MAN1C1: variants seen among roughly 807,000 people sequenced by gnomAD.
MAN1C1 encodes the protein mannosidase alpha class 1C member 1.
MAN1C1 carries 49 observed loss-of-function variants against 71.5 expected under a neutral mutation model. The observed-to-expected ratio is 0.69, with a 90% CI of 0.54 to 0.87. MAN1C1 has a LOEUF of 0.87. MAN1C1 is among the 40% of genes least tolerant of loss of function. The pLI, the probability that MAN1C1 is intolerant of heterozygous loss-of-function variation, is 0.00. For missense variants in MAN1C1, 743 were observed against 835.0 expected (o/e 0.89, Z 1.36); for synonymous variants, 352 against 343.7 (o/e 1.02, Z -0.27).
At chr1:25,677,733 T>C (rs2046089614) in intron 1 of MAN1C1, among the ~76,000 whole-genome samples, 1 of 152,060 alleles carries the variant, frequency 6.6e-6, no homozygotes, top group South Asian at 2.1e-4. Context: ...GAATAGATGA[T>C]GTTTCTGGTC....
intron 2 of MAN1C1, among the ~76,000 whole-genome samples, chr1:25,691,273 C>T (rs1024195307): frequency 6.6e-5 from 10 of 152,248 alleles, no homozygotes; most frequent in South Asian, 2.1e-4. Context: ...GCCAAGATCG[C>T]GCCACTGCCC....
intron 9 of MAN1C1, 95 bp from the exon 10 acceptor site, chr1:25,780,845 G>A: frequency 7.4e-7 from 1 of 1,346,630 alleles, no homozygotes; most frequent in Non-Finnish European, 1.0e-6. Flanking sequence ...ACATCACCCT[G>A]GCCGCGGGTT....
rs540824470 is a variant in MAN1C1 at position 25,776,522 on chromosome 1, C to A, written c.1258-1583C>A. On this transcript the variant is annotated intron_variant, in intron 8 of 11. Coordinates refer to ENST00000374332, the MANE Select transcript of MAN1C1 (RefSeq NM_020379.4). The surrounding 1 kb of genome is among the most constrained non-coding windows in gnomAD (Gnocchi z 4.3). ...GAGCCAAGATCATGCCACTGCACTT[C>A]AGCCTGGGTGACAGAGTAAGACTGT... Among the ~76,000 whole-genome samples, 13 of 151,688 alleles carry A rather than the reference C, an allele frequency of 8.6e-5. No homozygotes were observed. The East Asian group carries it at 2.5e-3, about 29-fold the overall frequency.
chr1:25,626,113 G>T (rs116392283), intron 1 of MAN1C1, among the ~76,000 whole-genome samples: 1 of 152,168 alleles, frequency 6.6e-6, no homozygotes, highest in African/African-American at 2.4e-5. Flanking sequence ...ACTAGGGGTG[G>T]AATTACTGGC....
intron 1 of MAN1C1, among the ~76,000 whole-genome samples, chr1:25,633,933 A>C (rs2124755413): frequency 6.6e-6 from 1 of 152,250 alleles, no homozygotes; most frequent in East Asian, 1.9e-4. Context: ...CAATATTTAG[A>C]ACTCCTTTTA....
chr1:25,623,458 G>A (rs1385709772), intron 1 of MAN1C1, among the ~76,000 whole-genome samples: 1 of 151,876 alleles, frequency 6.6e-6, no homozygotes, highest in African/African-American at 2.4e-5. Flanking sequence ...TGGTGGTGGG[G>A]GGGGGTAAGA....
rs1228750111 is a variant in MAN1C1 at position 25,617,719 on chromosome 1, C to T, written c.-79C>T. 3 of 1,406,642 alleles carry T rather than the reference C, an allele frequency of 2.1e-6. No homozygotes were observed. The highest frequency in any genetic ancestry group is 5.7e-5 in the East Asian group (2 of 34,966). 87.1% of individuals were successfully genotyped at this position (1,406,642 alleles called of 1,614,324 possible). A position where few individuals can be genotyped will look rare whatever the true frequency, so the allele number is the denominator to read the frequency against. On this transcript the variant is annotated 5_prime_UTR_variant, in exon 1 of 12. Transcript: ENST00000374332. This position sits in a 1 kb window ranked among gnomAD's most constrained non-coding sequence, Gnocchi z 5.1. Reference sequence around the variant, plus strand: ...GGGACCCCCATCCCGGGCGGCGCTCCGGACGCCCTCCCCTCACCGCGCCCC... The same window carrying T: ...GGGACCCCCATCCCGGGCGGCGCTCTGGACGCCCTCCCCTCACCGCGCCCC...
intron 1 of MAN1C1, among the ~76,000 whole-genome samples, chr1:25,660,690 G>T (rs894819313): frequency 6.6e-6 from 1 of 151,530 alleles, no homozygotes; most frequent in East Asian, 1.9e-4. Context: ...CACCATGCCC[G>T]GCCTGAAACT....
At chr1:25,727,649 A>G (rs2046850285) in intron 2 of MAN1C1, among the ~76,000 whole-genome samples, 4 of 152,204 alleles carry the variant, frequency 2.6e-5, no homozygotes, top group Admixed American at 2.6e-4. Flanking sequence ...ACAGCTCTTC[A>G]CATCCTGTGT....
chr1:25,745,004 G>C (rs1291074708), intron 2 of MAN1C1, among the ~76,000 whole-genome samples: 2 of 152,360 alleles, frequency 1.3e-5, no homozygotes, highest in East Asian at 3.9e-4. Flanking sequence ...ATAGTTGTAA[G>C]GAGTTGATGG....
chr1:25,648,943 T>C (rs1232927316), intron 1 of MAN1C1, among the ~76,000 whole-genome samples: 2 of 152,232 alleles, frequency 1.3e-5, no homozygotes, highest in African/African-American at 2.4e-5. Context: ...CTAATAGTCA[T>C]CACACTAATC....
In MAN1C1 at chr1:25,735,800, C is replaced by T. The variant is rs1053797802; in HGVS notation, c.638-10868C>T. 1.3e-5 allele frequency among the ~76,000 whole-genome samples: 2 copies of T among 152,146 alleles called. No homozygotes were observed. Among genetic ancestry groups the T allele is most frequent in the African/African-American group, 2.4e-5 (1 of 41,422 alleles). ...CTCATGGTGAAGGGTGGGAGCCTAA[C>T]GGAGCAAGCCCAGCCATGCAAGCAT... On this transcript the variant is annotated intron_variant, in intron 2 of 11. Coordinates refer to ENST00000374332, the MANE Select transcript of MAN1C1 (RefSeq NM_020379.4). This position sits in a 1 kb window ranked among gnomAD's most constrained non-coding sequence, Gnocchi z 4.6.
At chr1:25,620,878 G>A (rs1057296777) in intron 1 of MAN1C1, among the ~76,000 whole-genome samples, 1 of 152,214 alleles carries the variant, frequency 6.6e-6, no homozygotes, top group Admixed American at 6.5e-5. Flanking sequence ...AGATGGTTGA[G>A]GCTGCAGGTT....
chr1:25,666,454 A>G (rs1489810391), intron 1 of MAN1C1, among the ~76,000 whole-genome samples: 5 of 152,216 alleles, frequency 3.3e-5, no homozygotes, highest in African/African-American at 1.2e-4. Context: ...TCTCAGGTTC[A>G]CAAACGGAAC....
At chr1:25,701,032 G>T (rs2046435221) in intron 2 of MAN1C1, among the ~76,000 whole-genome samples, 1 of 152,268 alleles carries the variant, frequency 6.6e-6, no homozygotes, top group South Asian at 2.1e-4. Context: ...AAAATCCGAG[G>T]AGAAAAAGCG....
Position 25,777,223 on chromosome 1 carries a change from G to A in MAN1C1, c.1258-882G>A, listed in dbSNP as rs74060825. Among the ~76,000 whole-genome samples, 1,061 of 152,282 alleles carry A rather than the reference G, an allele frequency of 7.0e-3. 11 individuals carry two copies. The highest frequency in any genetic ancestry group is 0.024 in the African/African-American group (983 of 41,546). On this transcript the variant is annotated intron_variant, in intron 8 of 11. Coordinates refer to ENST00000374332, the MANE Select transcript of MAN1C1 (RefSeq NM_020379.4). ...TGGAGAGTAGATTGGAGGGGTGAAA[G>A]TGGAGGCAGAGGCCTGGAAGGGCCC...
At chr1:25,664,441 C>T (rs1362966784) in intron 1 of MAN1C1, among the ~76,000 whole-genome samples, 2 of 152,206 alleles carry the variant, frequency 1.3e-5, no homozygotes, top group African/African-American at 2.4e-5. Flanking sequence ...AGAGTGCTCA[C>T]TTTCCATGTA....
chr1:25,623,457 G>GC (rs920964077), intron 1 of MAN1C1, among the ~76,000 whole-genome samples: 5 of 113,336 alleles, frequency 4.4e-5, no homozygotes, highest in African/African-American at 3.2e-4. Flanking sequence ...GTGGTGGTGG[G>GC]GGGGGGTAAG....
At chr1:25,718,729 T>A (rs1304091794) in intron 2 of MAN1C1, among the ~76,000 whole-genome samples, 1 of 152,208 alleles carries the variant, frequency 6.6e-6, no homozygotes, top group Non-Finnish European at 1.5e-5. Flanking sequence ...CATAAGTTTT[T>A]TAAGGTTCAT....
Sources: gnomAD v4.1 joint callset for allele counts (sites outside exome capture counted in the v4.1 genomes callset) on GRCh38, gnomAD v4.1.1 for gene constraint, Gnocchi (gnomAD v3.1) non-coding constraint, MANE v1.5 for transcripts, NCBI Gene and HGNC (gene_info 2026-07-23, HGNC 2026-07-21) for gene names.